The following JAZF1 variants were observed in gnomAD, a reference collection of about 807,000 sequenced individuals.
JAZF1 encodes JAZF zinc finger 1, also known as juxtaposed with another zinc finger protein 1.
JAZF1 carries 8 observed loss-of-function variants against 26.4 expected under a neutral mutation model. That is an observed-to-expected ratio of 0.30 (90% confidence interval 0.18 to 0.55). JAZF1 has a LOEUF of 0.55. Ranked by LOEUF, JAZF1 falls within the 20% of genes least tolerant of loss-of-function variation. JAZF1 has a pLI of 0.94. For synonymous variants in JAZF1, 126 were observed against 122.3 expected (o/e 1.03, Z -0.20); for missense variants, 199 against 322.0 (o/e 0.62, Z 2.92).
chr7:28,088,262 T>G (rs575356574), intron 1 of JAZF1, among the ~76,000 whole-genome samples: 1 of 152,352 alleles, frequency 6.6e-6, no homozygotes, highest in South Asian at 2.1e-4. Flanking sequence ...CTTTTAAAAC[T>G]GCAACTTCTA....
intron 1 of JAZF1, among the ~76,000 whole-genome samples, chr7:28,092,834 C>G (rs934069416): frequency 6.6e-6 from 1 of 151,232 alleles, no homozygotes. Flanking sequence ...GCACTCCAGC[C>G]TGGGCAGTAG....
intron 1 of JAZF1, among the ~76,000 whole-genome samples, chr7:28,153,532 A>C (rs1783138720): frequency 6.6e-6 from 1 of 152,206 alleles, no homozygotes; most frequent in Admixed American, 6.5e-5. Flanking sequence ...CGATACCAGG[A>C]AATTCTACCT....
intron 1 of JAZF1, among the ~76,000 whole-genome samples, chr7:28,133,631 T>C (rs750099485): frequency 6.6e-6 from 1 of 152,192 alleles, no homozygotes; most frequent in African/African-American, 2.4e-5. Context: ...TGTGCACTAG[T>C]GTAGGAACCT....
intron 1 of JAZF1, among the ~76,000 whole-genome samples, chr7:28,171,123 C>T (rs1421416063): frequency 6.6e-6 from 1 of 152,212 alleles, no homozygotes; most frequent in East Asian, 1.9e-4. Flanking sequence ...TTCTGTATAG[C>T]TTCACAGTCC....
intron 1 of JAZF1, among the ~76,000 whole-genome samples, chr7:28,078,805 G>C (rs537016182): frequency 1.3e-5 from 2 of 152,220 alleles, no homozygotes; most frequent in South Asian, 4.1e-4. Flanking sequence ...TACCTTCCCT[G>C]TTACTTTGGA....
rs979829468 is a variant in JAZF1, at chr7:27,830,810, C to T, written c.*1990G>A. The T allele has an allele frequency of 9.7e-6, 2 of 205,368 alleles. No homozygotes were observed. Among genetic ancestry groups the T allele is most frequent in the African/African-American group, 2.3e-5 (1 of 43,802 alleles). The allele number at this position is 205,368 out of a possible 1,614,324, so 12.7% of individuals were successfully genotyped here. On this transcript the variant is annotated 3_prime_UTR_variant, in exon 5 of 5. Transcript: ENST00000283928. ...CACAGTATAACAAAATATTCCCATC[C>T]TTACCTGTTTAGTAATACTGTCACA...
intron 3 of JAZF1, among the ~76,000 whole-genome samples, chr7:27,866,370 G>A (rs948560712): frequency 6.6e-6 from 1 of 152,174 alleles, no homozygotes; most frequent in Non-Finnish European, 1.5e-5. Context: ...AGCCCACATG[G>A]TGAGGTGGCT....
At chr7:28,093,748 T>C (rs1784338985) in intron 1 of JAZF1, among the ~76,000 whole-genome samples, 1 of 152,246 alleles carries the variant, frequency 6.6e-6, no homozygotes, top group South Asian at 2.1e-4. Flanking sequence ...TCACCGAGCT[T>C]TGGGCAAACC....
chr7:27,867,056 C>T (rs1432181239), intron 3 of JAZF1, among the ~76,000 whole-genome samples: 1 of 152,124 alleles, frequency 6.6e-6, no homozygotes, highest in Non-Finnish European at 1.5e-5. Context: ...GTCTGCACTG[C>T]GGCAGCCCTC....
At chr7:28,021,247 G>A (rs1373908191) in intron 1 of JAZF1, among the ~76,000 whole-genome samples, 1 of 152,192 alleles carries the variant, frequency 6.6e-6, no homozygotes, top group Non-Finnish European at 1.5e-5. Context: ...GATGAGCAGT[G>A]TGGGGCAAAT....
At chr7:27,853,327 G>A (rs1272940057) in intron 3 of JAZF1, among the ~76,000 whole-genome samples, 1 of 152,192 alleles carries the variant, frequency 6.6e-6, no homozygotes, top group Non-Finnish European at 1.5e-5. Context: ...CATTGTGTAT[G>A]TGGAGTCTGC....
At chr7:28,145,363 C>T (rs1783011817) in intron 1 of JAZF1, among the ~76,000 whole-genome samples, 1 of 152,214 alleles carries the variant, frequency 6.6e-6, no homozygotes, top group Admixed American at 6.5e-5. Context: ...TATGAAAACA[C>T]GCCTAAGCAC....
At chr7:27,976,470 T>C (rs1048652148) in intron 2 of JAZF1, among the ~76,000 whole-genome samples, 9 of 152,046 alleles carry the variant, frequency 5.9e-5, no homozygotes, top group African/African-American at 2.2e-4. Context: ...TTTCAACTGA[T>C]GTCCATAAAA....
chr7:27,875,680 C>T (rs960642035), intron 3 of JAZF1, among the ~76,000 whole-genome samples: 2 of 152,200 alleles, frequency 1.3e-5, no homozygotes, highest in African/African-American at 4.8e-5. Flanking sequence ...GCTCTGAGCT[C>T]GTCCCTATCA....
intron 1 of JAZF1, among the ~76,000 whole-genome samples, chr7:28,040,121 C>T (rs1351298386): frequency 6.6e-6 from 1 of 152,086 alleles, no homozygotes; most frequent in East Asian, 1.9e-4. Flanking sequence ...ATTCTTTACA[C>T]ATGAAAGAAA....
intron 1 of JAZF1, among the ~76,000 whole-genome samples, chr7:28,047,505 A>T (rs1212656324): frequency 6.6e-6 from 1 of 152,104 alleles, no homozygotes. Flanking sequence ...ACTTCAGTAA[A>T]TTTCTATCGT....
chr7:28,033,523 G>C (rs1445564852), intron 1 of JAZF1, among the ~76,000 whole-genome samples: 1 of 152,188 alleles, frequency 6.6e-6, no homozygotes, highest in African/African-American at 2.4e-5. Context: ...TACCGCTAAT[G>C]AGAACTGAGG....
intron 2 of JAZF1, chr7:27,914,684 C>A: frequency 2.1e-6 from 1 of 470,604 alleles, no homozygotes; most frequent in South Asian, 1.5e-5. Context: ...TACTAGATCT[C>A]CCATATAGAT....
At chr7:28,065,260 G>A (rs1783862043) in intron 1 of JAZF1, among the ~76,000 whole-genome samples, 2 of 152,290 alleles carry the variant, frequency 1.3e-5, no homozygotes. Context: ...ATAGTCTGGG[G>A]TTCTTGACAA....
Sources: allele counts gnomAD v4.1 joint callset (sites outside exome capture counted in the v4.1 genomes callset), GRCh38; gene constraint gnomAD v4.1.1; transcripts MANE v1.5; gene names NCBI Gene and HGNC (gene_info 2026-07-23, HGNC 2026-07-21).